The following CACNA1B variants were observed in gnomAD, a reference collection of about 807,000 sequenced individuals.
CACNA1B encodes voltage-dependent N-type calcium channel subunit alpha-1B.
A neutral mutation model predicts 247.2 loss-of-function variants in CACNA1B; 70 were observed. The ratio of observed to expected loss-of-function variants is 0.28; its 90% CI spans 0.23 to 0.35. The LOEUF (loss-of-function observed/expected upper bound fraction) is 0.35, where lower values mean the gene tolerates loss of function less well. Among genes scored for constraint, CACNA1B ranks in the 10% least tolerant of loss-of-function variants. The pLI is 1.00. For missense variants in CACNA1B, 2,367 were observed against 3,197.4 expected (o/e 0.74, Z 6.26); for synonymous variants, 1,231 against 1,294.4 (o/e 0.95, Z 1.05).
intron 44 of CACNA1B, 34 bp from the exon 45 acceptor site, chr9:138,120,131 T>G (rs1281900709): frequency 6.5e-7 from 1 of 1,541,986 alleles, no homozygotes; most frequent in South Asian, 1.2e-5. Context: ...CCCTGGTGCC[T>G]CCCCTAGGCC....
Position 138,078,208 on chromosome 9 carries a change from G to A in CACNA1B, c.5044G>A (p.Asp1682Asn), listed in dbSNP as rs199687995. The A allele has an allele frequency of 6.2e-7, 1 of 1,613,990 alleles. No individual in the cohort carries two copies. Among genetic ancestry groups the A allele is most frequent in the Non-Finnish European group, 8.5e-7 (1 of 1,179,854 alleles). ...GGCCAATGCCACCGAGTGTGGAAGT[G>A]ACTTTGCCTACTTCTACTTCGTCTC... The part of the protein sequence containing the change: ...EQANATECGS[D>N]FAYFYFVSFI... The change falls in exon 36 of 47, where the codon GAC becomes AAC. Residue 1682 changes from aspartate to asparagine, a missense_variant. Coordinates refer to ENST00000371372, the MANE Select transcript of CACNA1B (RefSeq NM_000718.4).
At chr9:137,976,782 C>A (rs1388062733) in intron 12 of CACNA1B, among the ~76,000 whole-genome samples, 3 of 116,714 alleles carry the variant, frequency 2.6e-5, no homozygotes, top group Non-Finnish European at 5.3e-5. Context: ...GCAGGGCAGT[C>A]TGAGAATTAC....
At chr9:138,119,913 G>C (rs1274350138) in intron 44 of CACNA1B, among the ~76,000 whole-genome samples, 3 of 152,150 alleles carry the variant, frequency 2.0e-5, no homozygotes, top group Admixed American at 6.5e-5. Flanking sequence ...TTCCACTCAG[G>C]GTTCTTCCAA....
chr9:137,878,323 C>T, intron 1 of CACNA1B, 106 bp downstream of exon 1: 2 of 1,032,048 alleles, frequency 1.9e-6, no homozygotes, highest in South Asian at 4.7e-5. Context: ...GGGGAGGCGT[C>T]GGGAGACGGG....
intron 20 of CACNA1B, among the ~76,000 whole-genome samples, chr9:138,032,151 C>T (rs775332276): frequency 6.6e-6 from 1 of 151,762 alleles, no homozygotes; most frequent in African/African-American, 2.4e-5. Flanking sequence ...TTGAGTATAT[C>T]TCTTCTATAG....
chr9:138,112,635 A>G (rs376850084), intron 40 of CACNA1B, 130 bp downstream of exon 40: 17 of 657,516 alleles, frequency 2.6e-5, no homozygotes, highest in Middle Eastern at 3.9e-4. Context: ...TCACCTCCTC[A>G]TGAATCTGCC....
In CACNA1B at chr9:138,047,472, C is replaced by G; in HGVS notation, c.3603+14C>G. 1 of 1,597,366 alleles carries G rather than the reference C, an allele frequency of 6.3e-7. No homozygotes were observed. Among genetic ancestry groups the G allele is most frequent in the Non-Finnish European group, 8.6e-7 (1 of 1,164,692 alleles). The stretch of plus-strand genomic sequence containing the variant: ...ATGGTGATAAAGGTGAGATATGTGG[C>G]TGCCCTTGTGACCCCAGTGTTTTGC... On this transcript the variant is annotated intron_variant, in intron 23 of 46. Coordinates refer to ENST00000371372, the MANE Select transcript of CACNA1B (RefSeq NM_000718.4).
chr9:138,066,804 TTAA>T (rs1415403527), intron 31 of CACNA1B, among the ~76,000 whole-genome samples: 2 of 152,044 alleles, frequency 1.3e-5, no homozygotes, highest in Admixed American at 6.5e-5. Flanking sequence ...GGTGTAAAAA[TTAA>T]TGAGTTTAGC....
intron 39 of CACNA1B, among the ~76,000 whole-genome samples, chr9:138,107,975 A>C (rs561122038): frequency 7.9e-4 from 117 of 148,396 alleles, no homozygotes; most frequent in African/African-American, 2.6e-3. Context: ...ACAGAGTGAG[A>C]CTCTGTCTCA....
rs200742757 is a variant in CACNA1B, at chr9:138,123,946, C to T, written c.*1947C>T. 1.3e-5 allele frequency: 2 copies of T among 152,098 alleles called. No homozygotes were observed. The highest frequency in any genetic ancestry group is 2.1e-4 in the South Asian group (1 of 4,824). 9.4% of individuals were successfully genotyped at this position (152,098 alleles called of 1,614,324 possible). On this transcript the variant is annotated 3_prime_UTR_variant, in exon 47 of 47. Transcript: ENST00000371372. ...CCCCAGCCCATGTTATCTTGGGTGT[C>T]GAATGTGTCCATTCCATGCAGAACC... is the stretch of plus-strand genomic sequence containing the variant.
chr9:138,004,792 A>G (rs188790752), intron 15 of CACNA1B, among the ~76,000 whole-genome samples: 3 of 152,326 alleles, frequency 2.0e-5, no homozygotes, highest in Admixed American at 6.5e-5. Context: ...AACAGCAAAA[A>G]AAACAAATAA....
At chr9:137,995,776 A>G (rs1232879310) in intron 15 of CACNA1B, among the ~76,000 whole-genome samples, 1 of 152,280 alleles carries the variant, frequency 6.6e-6, no homozygotes, top group African/African-American at 2.4e-5. Flanking sequence ...CAATCAATAC[A>G]TCTGACAAAG....
At chr9:138,043,220 G>T (rs1959148807) in intron 20 of CACNA1B, among the ~76,000 whole-genome samples, 1 of 152,200 alleles carries the variant, frequency 6.6e-6, no homozygotes. Context: ...GGCCTGGCGA[G>T]GGAGCAGGGC....
intron 35 of CACNA1B, among the ~76,000 whole-genome samples, chr9:138,077,300 T>C (rs1960360204): frequency 6.6e-6 from 1 of 152,304 alleles, no homozygotes; most frequent in South Asian, 2.1e-4. Context: ...GCTGGCTGTG[T>C]CCAGGAACAG....
At chr9:138,025,775 C>G (rs1407572766) in intron 20 of CACNA1B, among the ~76,000 whole-genome samples, 2 of 152,194 alleles carry the variant, frequency 1.3e-5, no homozygotes, top group Non-Finnish European at 2.9e-5. Flanking sequence ...AGATGTCATT[C>G]CTGTCTTGAA....
In CACNA1B at chr9:137,974,814, C is replaced by G. The variant is rs1958199049; in HGVS notation, c.1544-1093C>G. 6.6e-6 allele frequency among the ~76,000 whole-genome samples: 1 copy of G among 152,238 alleles called. No homozygotes were observed. Among genetic ancestry groups the G allele is most frequent in the African/African-American group, 2.4e-5 (1 of 41,472 alleles). ...CAGGGGCCTGCCCTTCATGCCCTCCCAGGGCCTTGTTCTCCATGTGGGCTC... is the reference window on the plus strand; with the variant it reads ...CAGGGGCCTGCCCTTCATGCCCTCCGAGGGCCTTGTTCTCCATGTGGGCTC... On this transcript the variant is annotated intron_variant, in intron 11 of 46. Transcript: ENST00000371372. The surrounding 1 kb of genome is among the most constrained non-coding windows in gnomAD (Gnocchi z 4.5).
At chr9:137,918,122 C>A (rs897026916) in intron 6 of CACNA1B, among the ~76,000 whole-genome samples, 3 of 152,160 alleles carry the variant, frequency 2.0e-5, no homozygotes, top group Non-Finnish European at 4.4e-5. Flanking sequence ...CCTCTTTGGT[C>A]TCCTCGCTCT....
In CACNA1B at chr9:137,999,388, C is replaced by T. The variant is rs561458896; in HGVS notation, c.1975-7379C>T. Among the ~76,000 whole-genome samples the T allele has an allele frequency of 8.8e-4, 133 of 151,930 alleles. 3 individuals are homozygous for T. In the South Asian group the frequency reaches 0.021, roughly 24 times the overall value. On this transcript the variant is annotated intron_variant, in intron 15 of 46. Coordinates refer to ENST00000371372, the MANE Select transcript of CACNA1B (RefSeq NM_000718.4). ...GGAGTAAAGAGGAAATCAGAAATCA[C>T]GATGGCCATTACAGAATATTTAGAA...
chr9:138,102,858 G>A lies in CACNA1B; in HGVS notation c.5319+51G>A. Reference sequence around the variant, plus strand: ...CCCCAGGAGGCTGTGTGTGCTTGCTGAGGGGTGCTTGCTGGCTCTCCCAGC... The same window carrying A: ...CCCCAGGAGGCTGTGTGTGCTTGCTAAGGGGTGCTTGCTGGCTCTCCCAGC... On this transcript the variant is annotated intron_variant, in intron 38 of 46. Coordinates refer to ENST00000371372, the MANE Select transcript of CACNA1B (RefSeq NM_000718.4). The surrounding 1 kb of genome is among the most constrained non-coding windows in gnomAD (Gnocchi z 5.4). The A allele has an allele frequency of 8.4e-7, 1 of 1,190,294 alleles. No homozygotes were observed. The highest frequency in any genetic ancestry group is 1.2e-6 in the Non-Finnish European group (1 of 812,422). The allele number at this position is 1,190,294 out of a possible 1,614,324, so 73.7% of individuals were successfully genotyped here.
Sources: allele counts gnomAD v4.1 joint callset (sites outside exome capture counted in the v4.1 genomes callset), GRCh38; gene constraint gnomAD v4.1.1; non-coding constraint Gnocchi (gnomAD v3.1); transcripts MANE v1.5; gene names NCBI Gene and HGNC (gene_info 2026-07-23, HGNC 2026-07-21).